NACC2: variants seen among roughly 807,000 people sequenced by gnomAD.
NACC2 encodes the protein nucleus accumbens-associated protein 2.
In NACC2, 8 loss-of-function variants were observed where a neutral mutation model predicts 25.1. That is an observed-to-expected ratio of 0.32 (90% CI 0.19 to 0.57). The LOEUF (loss-of-function observed/expected upper bound fraction) is 0.57, where lower values mean the gene tolerates loss of function less well. Ranked by LOEUF, NACC2 falls within the 20% of genes least tolerant of loss-of-function variation. The pLI is 0.89. For synonymous variants in NACC2, 435 were observed against 294.7 expected, an observed-to-expected ratio of 1.48 and a Z score of -4.88; for missense variants, 644 against 650.2, an observed-to-expected ratio of 0.99 and a Z score of 0.10.
chr9:136,024,992 T>C (rs763453389), intron 2 of NACC2, among the ~76,000 whole-genome samples: 8 of 152,160 alleles, frequency 5.3e-5, no homozygotes, highest in Non-Finnish European at 1.2e-4. Flanking sequence ...TAAGTAGCCA[T>C]GCATGCAGGC....
chr9:136,022,966 T>A lies in NACC2; in HGVS notation c.887-6537A>T, dbSNP rs1357966415. On this transcript the variant is annotated intron_variant, in intron 2 of 5. Coordinates refer to ENST00000277554, the MANE Select transcript of NACC2 (RefSeq NM_144653.5). The surrounding 1 kb of genome is among the most constrained non-coding windows in gnomAD (Gnocchi z 4.4). The stretch of plus-strand genomic sequence containing the variant: ...TCGTGGATGCTGACACATGGGGAAA[T>A]GCAGAAAAGCCCAGCAGGGAAAGCC... Among the ~76,000 whole-genome samples the A allele has an allele frequency of 7.5e-6, 1 of 133,242 alleles. No homozygotes were observed. Among genetic ancestry groups the A allele is most frequent in the Non-Finnish European group, 1.6e-5 (1 of 64,434 alleles). The allele number at this position is 133,242 out of a possible 152,430, so 87.4% of individuals were successfully genotyped here. A position where few individuals can be genotyped will look rare whatever the true frequency, so the allele number is the denominator to read the frequency against.
chr9:136,015,865 G>A (rs1044613010), intron 3 of NACC2, among the ~76,000 whole-genome samples: 8 of 152,220 alleles, frequency 5.3e-5, no homozygotes, highest in African/African-American at 1.4e-4. Flanking sequence ...TTCTGGACTC[G>A]GACGTGTTTG....
At chr9:136,054,788 C>G (rs1840900049) in intron 1 of NACC2, among the ~76,000 whole-genome samples, 1 of 152,184 alleles carries the variant, frequency 6.6e-6, no homozygotes, top group South Asian at 2.1e-4. Flanking sequence ...ATGGAAAGTT[C>G]TGCAGAGCCA....
chr9:136,042,191 T>C (rs1387135273), intron 2 of NACC2, among the ~76,000 whole-genome samples: 2 of 152,302 alleles, frequency 1.3e-5, no homozygotes, highest in East Asian at 3.9e-4. Context: ...TTTCACCATG[T>C]TGGCAAGGCT....
intron 1 of NACC2, among the ~76,000 whole-genome samples, chr9:136,093,552 G>A (rs973911225): frequency 6.6e-6 from 1 of 152,182 alleles, no homozygotes; most frequent in Non-Finnish European, 1.5e-5. Context: ...AGGATCCCTG[G>A]CCACTAAGAA....
Position 136,076,064 on chromosome 9 carries a change from G to A in NACC2, c.-60+19125C>T, listed in dbSNP as rs549299005. On this transcript the variant is annotated intron_variant, in intron 1 of 5. Transcript: ENST00000277554. The stretch of plus-strand genomic sequence containing the variant: ...AGAGATCCTGCAAAGAACAGTCATC[G>A]AAAACTTGGAAATAAAGTAAACAGG... Among the ~76,000 whole-genome samples the A allele has an allele frequency of 4.6e-5, 7 of 152,182 alleles. No homozygotes were observed. In the East Asian group the frequency reaches 1.2e-3, roughly 25 times the overall value.
rs1840307573 is a variant in NACC2, at chr9:136,022,546, C to T, written c.887-6117G>A. 6.6e-6 allele frequency among the ~76,000 whole-genome samples: 1 copy of T among 152,200 alleles called. No individual in the cohort carries two copies. The highest frequency in any genetic ancestry group is 1.5e-5 in the Non-Finnish European group (1 of 68,026). ...CCTTCCCTGCTGTTGCCCCTTCCACCCAGCTTTGGGGGTGGGTCCATGGTC... is the reference window on the plus strand; with the variant it reads ...CCTTCCCTGCTGTTGCCCCTTCCACTCAGCTTTGGGGGTGGGTCCATGGTC... On this transcript the variant is annotated intron_variant, in intron 2 of 5. Coordinates refer to ENST00000277554, the MANE Select transcript of NACC2 (RefSeq NM_144653.5). The surrounding 1 kb of genome is among the most constrained non-coding windows in gnomAD (Gnocchi z 4.4).
At chr9:136,029,375 C>T (rs142663387) in intron 2 of NACC2, among the ~76,000 whole-genome samples, 3 of 152,238 alleles carry the variant, frequency 2.0e-5, no homozygotes, top group Admixed American at 2.0e-4. Context: ...GAGAGCTGTA[C>T]TGTCCCTCAA....
intron 1 of NACC2, among the ~76,000 whole-genome samples, chr9:136,061,249 C>G (rs1352403171): frequency 9.2e-5 from 14 of 152,192 alleles, no homozygotes; most frequent in Admixed American, 6.5e-4. Context: ...TCCTGACACC[C>G]CAGCTGGAGT....
chr9:136,060,039 G>A (rs1323098364), intron 1 of NACC2, among the ~76,000 whole-genome samples: 1 of 152,244 alleles, frequency 6.6e-6, no homozygotes, highest in Non-Finnish European at 1.5e-5. Flanking sequence ...CCATGAGACA[G>A]GGATGCAGAG....
chr9:136,024,155 A>AGT (rs71507095), intron 2 of NACC2, among the ~76,000 whole-genome samples: 2,270 of 123,604 alleles, frequency 0.018, 64 homozygotes, highest in Middle Eastern at 0.048. Context: ...GTGGGGACAG[A>AGT]GTGTGTGTGT....
chr9:136,008,901 T>A lies in NACC2; in HGVS notation c.*2615A>T, dbSNP rs2131127206. ...CCATTCACATTAAATTATTATTATT[T>A]AAGTTTTATCTATAGCTCTTGCCTT... On this transcript the variant is annotated 3_prime_UTR_variant, in exon 6 of 6. Coordinates refer to ENST00000277554, the MANE Select transcript of NACC2 (RefSeq NM_144653.5). 6.6e-6 allele frequency: 1 copy of A among 152,384 alleles called. No homozygotes were observed. Among genetic ancestry groups the A allele is most frequent in the South Asian group, 2.1e-4 (1 of 4,832 alleles). The allele number at this position is 152,384 out of a possible 1,614,324, so 9.4% of individuals were successfully genotyped here.
At chr9:136,012,652 GTTTTTT>G (rs540279008) in intron 5 of NACC2, among the ~76,000 whole-genome samples, 142 of 133,134 alleles carry the variant, frequency 1.1e-3, no homozygotes, top group Non-Finnish European at 1.5e-3. Flanking sequence ...GCCTCACAAG[GTTTTTT>G]TTTTTTTTTT....
intron 2 of NACC2, 121 bp from the exon 3 acceptor site, chr9:136,016,550 C>T: frequency 8.8e-7 from 1 of 1,141,012 alleles, no homozygotes. Context: ...CCACCTGGGC[C>T]CAGGTGAGGC....
At chr9:136,078,351 G>C (rs770796316) in intron 1 of NACC2, among the ~76,000 whole-genome samples, 12 of 152,184 alleles carry the variant, frequency 7.9e-5, no homozygotes, top group African/African-American at 1.2e-4. Flanking sequence ...AGGCACATCT[G>C]GGGGCAGGTT....
chr9:136,080,175 G>A (rs1257381359), intron 1 of NACC2, among the ~76,000 whole-genome samples: 1 of 152,200 alleles, frequency 6.6e-6, no homozygotes, highest in East Asian at 1.9e-4. Context: ...TCCTGGCAGG[G>A]CCCTGTAGCC....
chr9:136,026,157 T>C (rs1490855580), intron 2 of NACC2, among the ~76,000 whole-genome samples: 2 of 151,150 alleles, frequency 1.3e-5, no homozygotes, highest in African/African-American at 2.4e-5. Context: ...TTGGCTAACA[T>C]GGCAAAACTC....
At chr9:136,088,737 A>C (rs1287278204) in intron 1 of NACC2, among the ~76,000 whole-genome samples, 1 of 152,038 alleles carries the variant, frequency 6.6e-6, no homozygotes, top group Non-Finnish European at 1.5e-5. Flanking sequence ...CCACTGCTTC[A>C]TGCCTCCTAG....
intron 2 of NACC2, among the ~76,000 whole-genome samples, chr9:136,034,215 C>T (rs1270296927): frequency 2.6e-5 from 4 of 152,236 alleles, no homozygotes; most frequent in Non-Finnish European, 2.9e-5. Flanking sequence ...TCAGGGAGAA[C>T]GTAGGTCCAC....
Sources: allele counts gnomAD v4.1 joint callset (sites outside exome capture counted in the v4.1 genomes callset), GRCh38; gene constraint gnomAD v4.1.1; non-coding constraint Gnocchi (gnomAD v3.1); transcripts MANE v1.5; gene names NCBI Gene and HGNC (gene_info 2026-07-23, HGNC 2026-07-21).